The following MFSD6 variants were observed in gnomAD, a reference collection of about 807,000 sequenced individuals.
MFSD6 encodes major facilitator superfamily domain containing 6.
A neutral mutation model predicts 56.3 loss-of-function variants in MFSD6; 26 were observed. The ratio of observed to expected loss-of-function variants is 0.46; its 90% CI spans 0.34 to 0.64. MFSD6 has a LOEUF of 0.64. MFSD6 is among the 30% of genes least tolerant of loss of function. The probability of loss-of-function intolerance (pLI) is 0.01; values close to 1 mark genes in which losing one functional copy is unlikely to be tolerated. For synonymous variants in MFSD6, 331 were observed against 366.9 expected, an observed-to-expected ratio of 0.90 and a Z score of 1.12; for missense variants, 750 against 986.2, an observed-to-expected ratio of 0.76 and a Z score of 3.21.
Position 190,439,956 on chromosome 2 carries a change from A to G in MFSD6, c.1532+2395A>G, listed in dbSNP as rs945166536. On this transcript the variant is annotated intron_variant, in intron 3 of 7. Transcript: ENST00000392328. The surrounding 1 kb of genome is among the most constrained non-coding windows in gnomAD (Gnocchi z 5.8). ...GGTATTGGTTGTGATTTGGGGATTT[A>G]AACTTTCCACTGGAAGAATACCATT... 1.3e-5 allele frequency among the ~76,000 whole-genome samples: 2 copies of G among 152,208 alleles called. No homozygotes were observed. The highest frequency in any genetic ancestry group is 1.3e-4 in the Admixed American group (2 of 15,282).
At chr2:190,486,957 T>G (rs185410553) in intron 4 of MFSD6, among the ~76,000 whole-genome samples, 1 of 152,340 alleles carries the variant, frequency 6.6e-6, no homozygotes, top group Non-Finnish European at 1.5e-5. Flanking sequence ...ACCTGTTATC[T>G]CTGTCTTCCT....
intron 4 of MFSD6, among the ~76,000 whole-genome samples, chr2:190,483,374 A>G (rs892533466): frequency 6.6e-6 from 1 of 151,688 alleles, no homozygotes; most frequent in Non-Finnish European, 1.5e-5. Context: ...CTATTCAACA[A>G]CTCTCTTCTC....
At chr2:190,432,840 ACTCTCT>A (rs377459983) in intron 2 of MFSD6, among the ~76,000 whole-genome samples, 18 of 136,958 alleles carry the variant, frequency 1.3e-4, no homozygotes, top group Admixed American at 3.6e-4. Context: ...ACACACACAC[ACTCTCT>A]CTCTCTCTCT....
chr2:190,486,305 C>T (rs1182954554), intron 4 of MFSD6, among the ~76,000 whole-genome samples: 1 of 152,186 alleles, frequency 6.6e-6, no homozygotes, highest in Non-Finnish European at 1.5e-5. Context: ...TAGTTCATTC[C>T]CTCACTCTGA....
At chr2:190,440,718 A>G (rs1413597438) in intron 3 of MFSD6, among the ~76,000 whole-genome samples, 1 of 152,236 alleles carries the variant, frequency 6.6e-6, no homozygotes, top group African/African-American at 2.4e-5. Flanking sequence ...TTTGCCCTGA[A>G]ATTCTTACAC....
chr2:190,450,026 A>T (rs554134823), intron 3 of MFSD6, among the ~76,000 whole-genome samples: 18 of 152,298 alleles, frequency 1.2e-4, no homozygotes, highest in South Asian at 6.2e-4. Flanking sequence ...ATAATAAAAT[A>T]AAATTAAAAA....
Position 190,412,560 on chromosome 2 carries a change from G to A in MFSD6, c.-175-2732G>A. 1.0e-6 allele frequency: 1 copy of A among 985,320 alleles called. No homozygotes were observed. 61.0% of individuals were successfully genotyped at this position (985,320 alleles called of 1,614,324 possible). A position where few individuals can be genotyped will look rare whatever the true frequency, so the allele number is the denominator to read the frequency against. ...TGGGCATAGCATTTTTGATTCCTGGGAAAAGCAAACAAACACATCTGATGT... is the reference window on the plus strand; with the variant it reads ...TGGGCATAGCATTTTTGATTCCTGGAAAAAGCAAACAAACACATCTGATGT... On this transcript the variant is annotated intron_variant, in intron 1 of 7. Transcript: ENST00000392328. The surrounding 1 kb of genome is among the most constrained non-coding windows in gnomAD (Gnocchi z 4.1).
At chr2:190,484,245 CTGTT>C (rs2125218181) in intron 4 of MFSD6, among the ~76,000 whole-genome samples, 1 of 152,284 alleles carries the variant, frequency 6.6e-6, no homozygotes, top group East Asian at 1.9e-4. Context: ...TGTATTTTGA[CTGTT>C]TGATCTACCA....
At chr2:190,430,019 C>G (rs944108101) in intron 2 of MFSD6, among the ~76,000 whole-genome samples, 1 of 150,536 alleles carries the variant, frequency 6.6e-6, no homozygotes, top group African/African-American at 2.5e-5. Flanking sequence ...CCAACAGGCC[C>G]CAGTGTGTGA....
chr2:190,441,923 G>A (rs1574115532), intron 3 of MFSD6, among the ~76,000 whole-genome samples: 1 of 152,172 alleles, frequency 6.6e-6, no homozygotes, highest in East Asian at 1.9e-4. Context: ...CCTGAATTAA[G>A]TCAGATTGGT....
rs958197146 is a variant in MFSD6, at chr2:190,457,521, T to C, written c.1533-12237T>C. Among the ~76,000 whole-genome samples, 1 of 152,208 alleles carries C rather than the reference T, an allele frequency of 6.6e-6. No individual in the cohort carries two copies. The highest frequency in any genetic ancestry group is 2.1e-4 in the South Asian group (1 of 4,830). Reference sequence around the variant, plus strand: ...CAGTGATAGGGGATGTGTTTTATGATAGCAGTTGCTGGGATCTACATAGAG... The same window carrying C: ...CAGTGATAGGGGATGTGTTTTATGACAGCAGTTGCTGGGATCTACATAGAG... On this transcript the variant is annotated intron_variant, in intron 3 of 7. Transcript: ENST00000392328. The surrounding 1 kb of genome is among the most constrained non-coding windows in gnomAD (Gnocchi z 5.1).
At position 190,412,968 on chromosome 2, in the gene MFSD6, A is replaced by G. The variant is rs1467995416; in HGVS notation, c.-175-2324A>G. Among the ~76,000 whole-genome samples, 1 of 152,234 alleles carries G rather than the reference A, an allele frequency of 6.6e-6. No individual in the cohort carries two copies. Among genetic ancestry groups the G allele is most frequent in the Non-Finnish European group, 1.5e-5 (1 of 68,040 alleles). On this transcript the variant is annotated intron_variant, in intron 1 of 7. Transcript: ENST00000392328. The surrounding 1 kb of genome is among the most constrained non-coding windows in gnomAD (Gnocchi z 4.1). ...GTGCAGGGGCCAAAACAGAAAAGCC[A>G]ACCAAATAATAAATAATTACAAACG...
rs570534850 is a variant in MFSD6 at position 190,430,475 on chromosome 2, AACCCTGAGTGGAC to A, written c.-53-5499_-53-5487del. 4.6e-5 allele frequency among the ~76,000 whole-genome samples: 7 copies of A among 151,724 alleles called. No homozygotes were observed. The South Asian group carries it at 1.5e-3, about 32-fold the overall frequency. On this transcript the variant is annotated intron_variant, in intron 2 of 7. Transcript: ENST00000392328. ...ATCTTGCACCGCCCTTAATCCATTT[AACCCTGAGTGGAC>A]ACAGCACATGTTTCAGAGAGCACAG...
chr2:190,431,328 C>T lies in MFSD6; in HGVS notation c.-53-4649C>T, dbSNP rs1435692274. ...GGCGGCCGGGCAGAGGCTGCAATCT[C>T]GGCACTTTGGGAGGCCAAGGCAGGC... On this transcript the variant is annotated intron_variant, in intron 2 of 7. Transcript: ENST00000392328. This position sits in a 1 kb window ranked among gnomAD's most constrained non-coding sequence, Gnocchi z 4.4. 4.6e-5 allele frequency among the ~76,000 whole-genome samples: 7 copies of T among 152,314 alleles called. No individual in the cohort carries two copies. The highest frequency in any genetic ancestry group is 9.6e-5 in the African/African-American group (4 of 41,582).
At chr2:190,428,728 C>G (rs879635879) in intron 2 of MFSD6, among the ~76,000 whole-genome samples, 4 of 151,982 alleles carry the variant, frequency 2.6e-5, no homozygotes, top group Non-Finnish European at 5.9e-5. Context: ...TGCTGGAGGG[C>G]AGTGGTGCTA....
In MFSD6 at chr2:190,424,527, G is replaced by A. The variant is rs1685730213; in HGVS notation, c.-54+9114G>A. Among the ~76,000 whole-genome samples the A allele has an allele frequency of 6.6e-6, 1 of 151,942 alleles. No individual in the cohort carries two copies. Among genetic ancestry groups the A allele is most frequent in the African/African-American group, 2.4e-5 (1 of 41,362 alleles). On this transcript the variant is annotated intron_variant, in intron 2 of 7. Transcript: ENST00000392328. The surrounding 1 kb of genome is among the most constrained non-coding windows in gnomAD (Gnocchi z 5.9). ...ATTTTGTATTTTTAGTAGAGATGGG[G>A]TTTCTCCATGTTGGTCAGGATGGTC...
rs1023485529 is a variant in MFSD6, at chr2:190,434,471, C to T, written c.-53-1506C>T. 6.6e-6 allele frequency among the ~76,000 whole-genome samples: 1 copy of T among 152,152 alleles called. No individual in the cohort carries two copies. Among genetic ancestry groups the T allele is most frequent in the Non-Finnish European group, 1.5e-5 (1 of 68,032 alleles). On this transcript the variant is annotated intron_variant, in intron 2 of 7. Coordinates refer to ENST00000392328, the MANE Select transcript of MFSD6 (RefSeq NM_017694.4). The surrounding 1 kb of genome is among the most constrained non-coding windows in gnomAD (Gnocchi z 4.3). ...TATTTTTTTGAGACGGAGTCTCGCT[C>T]TGTTGCCAGGCTGGAGTGCAGTGGC... is the stretch of plus-strand genomic sequence containing the variant.
At chr2:190,442,340 C>T (rs556112962) in intron 3 of MFSD6, among the ~76,000 whole-genome samples, 57 of 152,160 alleles carry the variant, frequency 3.7e-4, no homozygotes, top group African/African-American at 1.3e-3. Context: ...TAAAGGGAAG[C>T]GTGTTGGAAA....
At chr2:190,476,306 C>G (rs2125177096) in intron 4 of MFSD6, among the ~76,000 whole-genome samples, 1 of 152,086 alleles carries the variant, frequency 6.6e-6, no homozygotes, top group East Asian at 1.9e-4. Flanking sequence ...GCAATCTACT[C>G]ATCTGACAAA....
Sources: gnomAD v4.1 joint callset for allele counts (sites outside exome capture counted in the v4.1 genomes callset) on GRCh38, gnomAD v4.1.1 for gene constraint, Gnocchi (gnomAD v3.1) non-coding constraint, MANE v1.5 for transcripts, NCBI Gene and HGNC (gene_info 2026-07-23, HGNC 2026-07-21) for gene names.